Variants in OCA2 observed in about 807,000 individuals in gnomAD.
OCA2 encodes P protein.
A neutral mutation model predicts 100.2 loss-of-function variants in OCA2; 77 were observed. The ratio of observed to expected loss-of-function variants is 0.77; its 90% confidence interval spans 0.64 to 0.93. OCA2 has a LOEUF of 0.93. Among genes scored for constraint, OCA2 ranks in the 40% least tolerant of loss-of-function variants. The pLI is 0.00. For synonymous variants in OCA2, 432 were observed against 439.2 expected (o/e 0.98, Z 0.21); for missense variants, 1,062 against 1,089.1 (o/e 0.98, Z 0.35).
chr15:28,074,723 T>C (rs2044377714), intron 2 of OCA2, among the ~76,000 whole-genome samples: 2 of 147,108 alleles, frequency 1.4e-5, no homozygotes, highest in Admixed American at 1.4e-4. Context: ...GGTGGGCACC[T>C]ATAATCCCAG....
At chr15:27,920,154 C>T (rs1024012033) in intron 19 of OCA2, among the ~76,000 whole-genome samples, 37 of 152,036 alleles carry the variant, frequency 2.4e-4, no homozygotes, top group African/African-American at 8.7e-4. Flanking sequence ...AATTAAAGGG[C>T]AGATATGGGC....
chr15:27,935,398 C>A (rs796994879), intron 18 of OCA2, among the ~76,000 whole-genome samples: 1 of 152,150 alleles, frequency 6.6e-6, no homozygotes. Flanking sequence ...AGTTTCTATG[C>A]CGAACAAATA....
At chr15:27,799,760 AC>A (rs1222050860) in intron 23 of OCA2, among the ~76,000 whole-genome samples, 2 of 151,822 alleles carry the variant, frequency 1.3e-5, no homozygotes, top group Non-Finnish European at 2.9e-5. Flanking sequence ...AAAAAAAAAA[AC>A]TTTAGCAAAA....
intron 23 of OCA2, among the ~76,000 whole-genome samples, chr15:27,770,915 C>CGCCCTCCCTCTTTTTTCTTCCTTCCT (rs2031753456): frequency 9.0e-6 from 1 of 111,390 alleles, no homozygotes; most frequent in African/African-American, 4.1e-5. Context: ...TCCTTCCCTC[C>CGCCCTCCCTCTTTTTTCTTCCTTCCT]TCCCTCCCTC....
At chr15:28,077,589 G>A (rs1190087587) in intron 2 of OCA2, among the ~76,000 whole-genome samples, 1 of 152,182 alleles carries the variant, frequency 6.6e-6, no homozygotes, top group African/African-American at 2.4e-5. Flanking sequence ...GACAAGGGTT[G>A]AGGTGCCCAG....
intron 2 of OCA2, among the ~76,000 whole-genome samples, chr15:28,069,028 G>C (rs1407964794): frequency 1.3e-5 from 2 of 152,090 alleles, no homozygotes; most frequent in Non-Finnish European, 2.9e-5. Flanking sequence ...TTGAGAGCTG[G>C]AACAAGACAA....
At chr15:27,873,286 A>G (rs1265568373) in intron 19 of OCA2, among the ~76,000 whole-genome samples, 2 of 152,164 alleles carry the variant, frequency 1.3e-5, no homozygotes, top group African/African-American at 4.8e-5. Context: ...CCTCACCAAC[A>G]CCAGTGTGAC....
At chr15:27,780,631 A>AG (rs1444480801) in intron 23 of OCA2, among the ~76,000 whole-genome samples, 20 of 152,362 alleles carry the variant, frequency 1.3e-4, no homozygotes, top group African/African-American at 4.6e-4. Context: ...AATTAATTAC[A>AG]GGCTCCTTAG....
intron 23 of OCA2, among the ~76,000 whole-genome samples, chr15:27,770,927 T>TC (rs1566949423): frequency 2.4e-5 from 3 of 125,054 alleles, no homozygotes; most frequent in African/African-American, 6.0e-5. Context: ...CCCTCCCTCT[T>TC]TTCCTTTCTT....
rs1475790655 is a variant in OCA2, at chr15:27,923,832, T to C, written c.2079+2295A>G. Among the ~76,000 whole-genome samples, 4 of 152,348 alleles carry C rather than the reference T, an allele frequency of 2.6e-5. No individual in the cohort carries two copies. The East Asian group carries it at 5.8e-4, about 22-fold the overall frequency. On this transcript the variant is annotated intron_variant, in intron 19 of 23. Coordinates refer to ENST00000354638, the MANE Select transcript of OCA2 (RefSeq NM_000275.3). ...TGTAGATTGTTTACTCTGTTGATAG[T>C]TCCTTTTGCTGTGCAGAAGCTCTTT... is the stretch of plus-strand genomic sequence containing the variant.
intron 22 of OCA2, among the ~76,000 whole-genome samples, chr15:27,847,288 C>A (rs529947545): frequency 1.1e-4 from 17 of 152,316 alleles, no homozygotes; most frequent in African/African-American, 3.8e-4. Flanking sequence ...AGACAGAGGG[C>A]GGGGAGCTGG....
intron 9 of OCA2, among the ~76,000 whole-genome samples, chr15:27,997,130 A>AG (rs1555370341): frequency 0.036 from 1,288 of 36,186 alleles, 16 homozygotes; most frequent in African/African-American, 0.045. Flanking sequence ...GAAGGAAGGA[A>AG]GAAGGAAGGA....
At chr15:27,973,930 A>AT (rs1271677399) in intron 14 of OCA2, among the ~76,000 whole-genome samples, 1 of 151,900 alleles carries the variant, frequency 6.6e-6, no homozygotes, top group Non-Finnish European at 1.5e-5. Context: ...TAGGTATTTT[A>AT]TTTTTTTGGT....
chr15:28,082,958 CAG>C (rs2044699805), intron 1 of OCA2, among the ~76,000 whole-genome samples: 2 of 152,336 alleles, frequency 1.3e-5, no homozygotes, highest in African/African-American at 4.8e-5. Context: ...AAGCAGCCGA[CAG>C]CACCAGAAAT....
intron 15 of OCA2, among the ~76,000 whole-genome samples, chr15:27,965,684 G>A (rs1321505266): frequency 2.6e-5 from 4 of 152,274 alleles, no homozygotes; most frequent in Admixed American, 1.3e-4. Flanking sequence ...CATGCAATCC[G>A]TGAGCTCTAC....
intron 14 of OCA2, among the ~76,000 whole-genome samples, chr15:27,969,113 G>T (rs1458527825): frequency 6.6e-6 from 1 of 151,622 alleles, no homozygotes; most frequent in African/African-American, 2.4e-5. Flanking sequence ...GTCCCAAGAA[G>T]ACAGAAGTAC....
At chr15:27,736,828 G>C in the OCA2 span, among the ~76,000 whole-genome samples, 1 of 152,246 alleles carries the variant, frequency 6.6e-6, no homozygotes, top group Non-Finnish European at 1.5e-5. Flanking sequence ...GCATGATATA[G>C]AAATGTCTAG....
rs751956177 is a variant in OCA2 at position 27,985,059 on chromosome 15, C to T, written c.1364+5G>A. 9 of 1,613,656 alleles carry T rather than the reference C, an allele frequency of 5.6e-6. No individual in the cohort carries two copies. In the Admixed American group the frequency reaches 6.7e-5, roughly 12 times the overall value. On this transcript the variant is annotated splice_donor_5th_base_variant and intron_variant, in intron 13 of 23. Coordinates refer to ENST00000354638, the MANE Select transcript of OCA2 (RefSeq NM_000275.3). ...CAACTCCCACGGCAGAGGTGCTTTG[C>T]GTACCTTATGGTCACAGGCGTGAAG...
intron 23 of OCA2, among the ~76,000 whole-genome samples, chr15:27,818,581 A>G (rs1036926546): frequency 6.6e-6 from 1 of 152,142 alleles, no homozygotes; most frequent in Admixed American, 6.5e-5. Flanking sequence ...GATTAACAGA[A>G]GCAGATGTTT....
Sources: gnomAD v4.1 joint callset for allele counts (sites outside exome capture counted in the v4.1 genomes callset) on GRCh38, gnomAD v4.1.1 for gene constraint, MANE v1.5 for transcripts, NCBI Gene and HGNC (gene_info 2026-07-23, HGNC 2026-07-21) for gene names.